The following SLC24A2 variants were observed in gnomAD, a reference collection of about 807,000 sequenced individuals.
SLC24A2 encodes solute carrier family 24 member 2.
In SLC24A2, 36 loss-of-function variants were observed where a neutral mutation model predicts 62.0. The observed-to-expected ratio is 0.58, with a 90% CI of 0.44 to 0.77. The LOEUF (loss-of-function observed/expected upper bound fraction) is 0.77, where lower values mean the gene tolerates loss of function less well. Ranked by LOEUF, SLC24A2 falls within the 30% of genes least tolerant of loss-of-function variation. The probability of loss-of-function intolerance (pLI) is 0.00; values close to 1 mark genes in which losing one functional copy is unlikely to be tolerated. For synonymous variants in SLC24A2, 358 were observed against 294.0 expected, an observed-to-expected ratio of 1.22 and a Z score of -2.23; for missense variants, 846 against 817.9, an observed-to-expected ratio of 1.03 and a Z score of -0.42.
the SLC24A2 span, among the ~76,000 whole-genome samples, chr9:19,842,090 C>A: frequency 6.6e-6 from 1 of 152,310 alleles, no homozygotes; most frequent in East Asian, 1.9e-4. Context: ...CATTAGACAT[C>A]TTCTATTATG....
the SLC24A2 span, among the ~76,000 whole-genome samples, chr9:19,969,224 C>CACAT: frequency 6.6e-6 from 1 of 150,712 alleles, no homozygotes; most frequent in Admixed American, 6.6e-5. Flanking sequence ...CACACACACA[C>CACAT]ACTTCTTCCT....
At chr9:20,059,084 A>G in the SLC24A2 span, among the ~76,000 whole-genome samples, 1 of 152,208 alleles carries the variant, frequency 6.6e-6, no homozygotes, top group African/African-American at 2.4e-5. Context: ...AAAGATGTCC[A>G]CTTCCTAATC....
the SLC24A2 span, among the ~76,000 whole-genome samples, chr9:20,274,083 G>A: frequency 3.1e-3 from 465 of 152,302 alleles, 1 homozygote; most frequent in African/African-American, 9.2e-3. Flanking sequence ...GCTAGACACT[G>A]TTCTGAGCAC....
the SLC24A2 span, among the ~76,000 whole-genome samples, chr9:20,258,297 G>C: frequency 6.6e-6 from 1 of 152,228 alleles, no homozygotes; most frequent in Non-Finnish European, 1.5e-5. Context: ...AGTAAGCACT[G>C]AGCCTATCCC....
At chr9:20,263,861 G>GCCCCACC in the SLC24A2 span, among the ~76,000 whole-genome samples, 34 of 30,830 alleles carry the variant, frequency 1.1e-3, 1 homozygote, top group East Asian at 0.015. Context: ...TATCCCACCC[G>GCCCCACC]CCCCCCCCCC....
At chr9:19,626,861 C>T (rs1455691512) in intron 2 of SLC24A2, among the ~76,000 whole-genome samples, 1 of 152,020 alleles carries the variant, frequency 6.6e-6, no homozygotes, top group Non-Finnish European at 1.5e-5. Context: ...AACCTCAAAG[C>T]CTATTGGGAA....
chr9:19,677,234 G>A lies in SLC24A2; in HGVS notation c.931-54935C>T, dbSNP rs114413071. Among the ~76,000 whole-genome samples, 1,270 of 152,318 alleles carry A rather than the reference G, an allele frequency of 8.3e-3. 19 individuals are homozygous for A. Among genetic ancestry groups the A allele is most frequent in the African/African-American group, 0.029 (1,210 of 41,568 alleles). On this transcript the variant is annotated intron_variant, in intron 2 of 10. Transcript: ENST00000341998. The stretch of plus-strand genomic sequence containing the variant: ...GAAAATGTAGTACGTATACACAATG[G>A]AATACTCTGCAGTCGTAAAAAAGAA...
the SLC24A2 span, among the ~76,000 whole-genome samples, chr9:20,125,534 C>T: frequency 5.9e-5 from 9 of 152,234 alleles, no homozygotes; most frequent in South Asian, 1.2e-3. Context: ...TTTTATAGTA[C>T]AGGGTCAGGG....
At chr9:19,522,827 G>T (rs1002251287) in intron 9 of SLC24A2, among the ~76,000 whole-genome samples, 1 of 152,138 alleles carries the variant, frequency 6.6e-6, no homozygotes, top group Admixed American at 6.5e-5. Context: ...CCTAGAAAAA[G>T]TTCAATAAGA....
intron 2 of SLC24A2, among the ~76,000 whole-genome samples, chr9:19,691,906 C>T (rs1381433256): frequency 6.6e-6 from 1 of 152,064 alleles, no homozygotes; most frequent in African/African-American, 2.4e-5. Flanking sequence ...AAGCTCTACC[C>T]CTCCCCTCTG....
At chr9:20,287,947 A>G in the SLC24A2 span, among the ~76,000 whole-genome samples, 1 of 152,218 alleles carries the variant, frequency 6.6e-6, no homozygotes, top group Non-Finnish European at 1.5e-5. Context: ...AGTTTTCTCA[A>G]TTTTTACACA....
the SLC24A2 span, among the ~76,000 whole-genome samples, chr9:19,867,681 A>G: frequency 2.0e-5 from 3 of 152,116 alleles, no homozygotes; most frequent in Admixed American, 6.5e-5. Context: ...AGGACAAGGC[A>G]GGCAGATAAC....
At chr9:20,258,616 G>A in the SLC24A2 span, among the ~76,000 whole-genome samples, 1 of 152,162 alleles carries the variant, frequency 6.6e-6, no homozygotes, top group Non-Finnish European at 1.5e-5. Context: ...CAGCCCATGG[G>A]CCTTTCAGCC....
the SLC24A2 span, among the ~76,000 whole-genome samples, chr9:20,049,959 G>A: frequency 3.4e-3 from 512 of 152,224 alleles, 1 homozygote; most frequent in African/African-American, 0.011. Flanking sequence ...TCTTGCTGGT[G>A]TGCCACATTG....
At chr9:19,553,643 A>C (rs1289864866) in intron 7 of SLC24A2, among the ~76,000 whole-genome samples, 2 of 152,182 alleles carry the variant, frequency 1.3e-5, no homozygotes, top group African/African-American at 4.8e-5. Context: ...TAGGTGGTAG[A>C]GAATCAGGAA....
intron 7 of SLC24A2, among the ~76,000 whole-genome samples, chr9:19,565,609 GA>G (rs1010691543): frequency 1.2e-4 from 18 of 151,984 alleles, no homozygotes; most frequent in African/African-American, 4.4e-4. Context: ...CACAGAATTG[GA>G]AAAAACTAAA....
the SLC24A2 span, among the ~76,000 whole-genome samples, chr9:20,073,639 T>A: frequency 1.3e-5 from 2 of 152,038 alleles, no homozygotes; most frequent in Non-Finnish European, 2.9e-5. Context: ...TTCAGAGATA[T>A]TAATATGTGT....
chr9:19,522,511 T>C (rs1032727888), intron 9 of SLC24A2, among the ~76,000 whole-genome samples: 3 of 152,224 alleles, frequency 2.0e-5, no homozygotes, highest in Admixed American at 2.0e-4. Context: ...TTAAAAAAAT[T>C]CTTATTTTTA....
At chr9:20,210,444 G>C in the SLC24A2 span, among the ~76,000 whole-genome samples, 2 of 152,066 alleles carry the variant, frequency 1.3e-5, no homozygotes, top group African/African-American at 2.4e-5. Context: ...AGAAAAGATG[G>C]ACAAAATCAT....
Sources: gnomAD v4.1 joint callset for allele counts (sites outside exome capture counted in the v4.1 genomes callset) on GRCh38, gnomAD v4.1.1 for gene constraint, MANE v1.5 for transcripts, NCBI Gene and HGNC (gene_info 2026-07-23, HGNC 2026-07-21) for gene names.